ST3GAL1: variants seen among roughly 807,000 people sequenced by gnomAD.
ST3GAL1 encodes the protein CMP-N-acetylneuraminate-beta-galactosamide-alpha-2,3-sialyltransferase 1.
In ST3GAL1, 16 loss-of-function variants were observed where a neutral mutation model predicts 34.1. The observed-to-expected ratio is 0.47, with a 90% CI of 0.32 to 0.71. ST3GAL1 has a LOEUF of 0.71. Ranked by LOEUF, ST3GAL1 falls within the 30% of genes least tolerant of loss-of-function variation. The pLI, the probability that ST3GAL1 is intolerant of heterozygous loss-of-function variation, is 0.04. For synonymous variants in ST3GAL1, 191 were observed against 184.7 expected (o/e 1.03, Z -0.28); for missense variants, 353 against 447.4 (o/e 0.79, Z 1.90).
At chr8:133,530,387 T>A (rs1818117277) in intron 2 of ST3GAL1, among the ~76,000 whole-genome samples, 2 of 151,904 alleles carry the variant, frequency 1.3e-5, no homozygotes, top group Admixed American at 1.3e-4. Flanking sequence ...GTACAAGCAA[T>A]TCTCCTGTCT....
chr8:133,542,717 G>C lies in ST3GAL1; in HGVS notation c.-429+3057C>G, dbSNP rs373260715. Among the ~76,000 whole-genome samples the C allele has an allele frequency of 1.3e-4, 19 of 147,860 alleles. 1 individual carries two copies. The East Asian group carries it at 2.8e-3, about 22-fold the overall frequency. ...TTGAACCTGGGAGACAGAGGTTGCA[G>C]TGGGCAAAGATCAAGATTGCACCAC... On this transcript the variant is annotated intron_variant, in intron 2 of 9. Transcript: ENST00000522652.
chr8:133,463,545 A>C, intron 7 of ST3GAL1, 86 bp from the exon 8 acceptor site: 2 of 1,436,104 alleles, frequency 1.4e-6, no homozygotes, highest in Non-Finnish European at 1.9e-6. Flanking sequence ...TAGTGGCTAG[A>C]TAATGAAGCA....
At chr8:133,551,548 A>AAG (rs1478121314) in intron 1 of ST3GAL1, among the ~76,000 whole-genome samples, 31 of 36,354 alleles carry the variant, frequency 8.5e-4, no homozygotes, top group African/African-American at 3.3e-3. Context: ...GAAGGAAAGA[A>AAG]AGAAAGAAAG....
chr8:133,492,234 A>T (rs924770521), intron 3 of ST3GAL1, among the ~76,000 whole-genome samples: 5 of 152,040 alleles, frequency 3.3e-5, no homozygotes, highest in African/African-American at 1.2e-4. Context: ...CCATGGAGAG[A>T]CTGAGATACT....
At position 133,540,694 on chromosome 8, in the gene ST3GAL1, C is replaced by CAT. The variant is rs1009115605; in HGVS notation, c.-429+5078_-429+5079dup. 1.7e-4 allele frequency among the ~76,000 whole-genome samples: 24 copies of CAT among 143,854 alleles called. 1 individual carries two copies. The highest frequency in any genetic ancestry group is 2.8e-4 in the Admixed American group (4 of 14,118). The allele number at this position is 143,854 out of a possible 152,430, so 94.4% of individuals were successfully genotyped here. A position where few individuals can be genotyped will look rare whatever the true frequency, so the allele number is the denominator to read the frequency against. On this transcript the variant is annotated intron_variant, in intron 2 of 9. Coordinates refer to ENST00000522652, the MANE Select transcript of ST3GAL1 (RefSeq NM_173344.3). Reference sequence around the variant, plus strand: ...TGGGACCCCCTGCCCCTGCCCACACCATATATATATATACAGACATATATA... The same window carrying CAT: ...TGGGACCCCCTGCCCCTGCCCACACCATATATATATATATACAGACATATATA...
At chr8:133,492,847 G>A (rs966018807) in intron 3 of ST3GAL1, among the ~76,000 whole-genome samples, 6 of 152,328 alleles carry the variant, frequency 3.9e-5, no homozygotes, top group African/African-American at 7.2e-5. Flanking sequence ...CTCGGGGAGC[G>A]TCCATGCGGC....
At chr8:133,546,773 C>A (rs1195058057) in intron 1 of ST3GAL1, among the ~76,000 whole-genome samples, 2 of 151,898 alleles carry the variant, frequency 1.3e-5, no homozygotes, top group African/African-American at 2.4e-5. Context: ...CCAAGGTGGG[C>A]GGATCACTTG....
Position 133,565,971 on chromosome 8 carries a change from G to A in ST3GAL1, c.-582+5722C>T, listed in dbSNP as rs551714579. Among the ~76,000 whole-genome samples the A allele has an allele frequency of 5.3e-5, 8 of 152,346 alleles. No homozygotes were observed. In the South Asian group the frequency reaches 1.4e-3, roughly 28 times the overall value. Reference sequence around the variant, plus strand: ...TGTCCCAGGTGGGAACCACAATAGCGTCCACTGCAGGTGCCTTGAACTTTG... The same window carrying A: ...TGTCCCAGGTGGGAACCACAATAGCATCCACTGCAGGTGCCTTGAACTTTG... On this transcript the variant is annotated intron_variant, in intron 1 of 9. Transcript: ENST00000522652.
intron 2 of ST3GAL1, among the ~76,000 whole-genome samples, chr8:133,531,633 G>A (rs1405513486): frequency 6.6e-6 from 1 of 151,964 alleles, no homozygotes; most frequent in Non-Finnish European, 1.5e-5. Flanking sequence ...GACACAGGGA[G>A]GGGAACAACA....
At chr8:133,525,352 G>A (rs995931717) in intron 2 of ST3GAL1, among the ~76,000 whole-genome samples, 1 of 152,230 alleles carries the variant, frequency 6.6e-6, no homozygotes. Context: ...GTCTGGCTGA[G>A]TCCAGGGTTT....
chr8:133,566,475 A>G (rs1819403507), intron 1 of ST3GAL1, among the ~76,000 whole-genome samples: 1 of 152,076 alleles, frequency 6.6e-6, no homozygotes, highest in Non-Finnish European at 1.5e-5. Context: ...GGACTCCCGC[A>G]TGCACAACTC....
chr8:133,548,745 C>T (rs560925764), intron 1 of ST3GAL1, among the ~76,000 whole-genome samples: 36 of 152,300 alleles, frequency 2.4e-4, no homozygotes, highest in Non-Finnish European at 4.4e-4. Context: ...TACTAAGCAC[C>T]GGGCATCACC....
chr8:133,516,248 C>A (rs1817644413), intron 2 of ST3GAL1: 2 of 152,170 alleles, frequency 1.3e-5, no homozygotes, highest in Admixed American at 1.3e-4. Context: ...GCACTCTCCC[C>A]TCTCTCTTGT....
At chr8:133,512,301 G>A (rs182392216) in intron 2 of ST3GAL1, among the ~76,000 whole-genome samples, 2 of 152,252 alleles carry the variant, frequency 1.3e-5, no homozygotes, top group Non-Finnish European at 2.9e-5. Context: ...TCCGATGTTC[G>A]AGGGCAGGAA....
At chr8:133,483,692 A>G (rs1388411606) in intron 3 of ST3GAL1, among the ~76,000 whole-genome samples, 1 of 152,180 alleles carries the variant, frequency 6.6e-6, no homozygotes, top group Non-Finnish European at 1.5e-5. Context: ...TCCCGTGGCC[A>G]AGACCTCCCA....
At position 133,556,886 on chromosome 8, in the gene ST3GAL1, G is replaced by A. The variant is rs914670974; in HGVS notation, c.-581-10960C>T. ...AGTGGAGGGAAGTGGGAGGGAGGTT[G>A]GCAGCGGTGCTATTAATGCAGGCAG... On this transcript the variant is annotated intron_variant, in intron 1 of 9. Coordinates refer to ENST00000522652, the MANE Select transcript of ST3GAL1 (RefSeq NM_173344.3). This position sits in a 1 kb window ranked among gnomAD's most constrained non-coding sequence, Gnocchi z 8.9. Among the ~76,000 whole-genome samples the A allele has an allele frequency of 2.6e-5, 4 of 152,152 alleles. No homozygotes were observed. Among genetic ancestry groups the A allele is most frequent in the African/African-American group, 9.7e-5 (4 of 41,438 alleles).
chr8:133,493,848 G>GAA (rs57843566), intron 3 of ST3GAL1, among the ~76,000 whole-genome samples: 22,680 of 132,008 alleles, frequency 0.17, 2,326 homozygotes, highest in East Asian at 0.49. Context: ...TCTGTATCAG[G>GAA]AAAAAAAAAA....
chr8:133,560,085 T>A (rs1316939270), intron 1 of ST3GAL1, among the ~76,000 whole-genome samples: 10 of 152,324 alleles, frequency 6.6e-5, no homozygotes, highest in South Asian at 2.1e-4. Context: ...ATTTATAATA[T>A]ATTTTCATAT....
At chr8:133,477,358 C>A (rs1035969005) in intron 3 of ST3GAL1, among the ~76,000 whole-genome samples, 1 of 152,218 alleles carries the variant, frequency 6.6e-6, no homozygotes, top group Non-Finnish European at 1.5e-5. Flanking sequence ...GATATTCATG[C>A]ATACGTATCT....
Sources: allele counts gnomAD v4.1 joint callset (sites outside exome capture counted in the v4.1 genomes callset), GRCh38; gene constraint gnomAD v4.1.1; non-coding constraint Gnocchi (gnomAD v3.1); transcripts MANE v1.5; gene names NCBI Gene and HGNC (gene_info 2026-07-23, HGNC 2026-07-21).